Variants in CEP89 observed in about 807,000 individuals in gnomAD.
The protein encoded by CEP89 is centrosomal protein of 89 kDa.
A neutral mutation model predicts 97.6 loss-of-function variants in CEP89; 95 were observed. The ratio of observed to expected loss-of-function variants is 0.97; its 90% CI spans 0.82 to 1.15. CEP89 has a LOEUF of 1.15. CEP89 is among the 50% of genes most tolerant of loss of function. CEP89 has a pLI of 0.00. For synonymous variants in CEP89, 354 were observed against 349.1 expected (o/e 1.01, Z -0.16); for missense variants, 869 against 947.7 (o/e 0.92, Z 1.09).
At chr19:32,899,354 G>A (rs1391824820) in intron 16 of CEP89, among the ~76,000 whole-genome samples, 1 of 151,950 alleles carries the variant, frequency 6.6e-6, no homozygotes, top group Non-Finnish European at 1.5e-5. Flanking sequence ...GACTGGTCTT[G>A]AATTCCTGGG....
Position 32,953,747 on chromosome 19 carries a change from T to C in CEP89, c.360A>G (p.Thr120=). The change falls in exon 4 of 19, where the codon ACA becomes ACG. Residue 120 remains threonine (T), a synonymous_variant. Transcript: ENST00000305768. The part of the protein sequence containing the change: ...GRRSSLPSFE[T]LDYGDEEDIE... ...TGTCCTCTTCGTCCCCATAGTCCAG[T>C]GTTTCAAAGGATGGCAAAGAAGATC... 1 of 1,614,090 alleles carries C rather than the reference T, an allele frequency of 6.2e-7. No individual in the cohort carries two copies. Among genetic ancestry groups the C allele is most frequent in the Non-Finnish European group, 8.5e-7 (1 of 1,179,992 alleles).
At position 32,946,297 on chromosome 19, in the gene CEP89, T is replaced by C. The variant is rs190250310; in HGVS notation, c.595+1969A>G. Among the ~76,000 whole-genome samples, 419 of 152,190 alleles carry C rather than the reference T, an allele frequency of 2.8e-3. 2 individuals are homozygous for C. Among genetic ancestry groups the C allele is most frequent in the Non-Finnish European group, 4.9e-3 (335 of 68,002 alleles). On this transcript the variant is annotated intron_variant, in intron 5 of 18. Coordinates refer to ENST00000305768, the MANE Select transcript of CEP89 (RefSeq NM_032816.5). ...ACCTGTTATTATTAATCATTCTTTA[T>C]AGTAAATTTTCCCTCTTCAAGTCAT...
At chr19:32,910,587 CT>C (rs558101362) in intron 14 of CEP89, among the ~76,000 whole-genome samples, 1 of 152,036 alleles carries the variant, frequency 6.6e-6, no homozygotes, top group African/African-American at 2.4e-5. Context: ...AACTTTTTGA[CT>C]TTTTTATAAC....
At chr19:32,879,774 G>A (rs971232148) in intron 18 of CEP89, among the ~76,000 whole-genome samples, 1 of 152,216 alleles carries the variant, frequency 6.6e-6, no homozygotes, top group African/African-American at 2.4e-5. Context: ...CCAGCCAGAC[G>A]CTCTAGCACG....
At chr19:32,902,010 C>CTCTCTGTGTG (rs1207481256) in intron 14 of CEP89, among the ~76,000 whole-genome samples, 3,145 of 133,752 alleles carry the variant, frequency 0.024, 51 homozygotes, top group African/African-American at 0.035. Flanking sequence ...CTCTCTCTCT[C>CTCTCTGTGTG]TGTGTGTGTG....
At chr19:32,904,596 C>CTT (rs550676154) in intron 14 of CEP89, among the ~76,000 whole-genome samples, 33,771 of 140,440 alleles carry the variant, frequency 0.24, 4,370 homozygotes, top group Admixed American at 0.33. Flanking sequence ...TTCTTTCTTC[C>CTT]TTTTTTTTTT....
intron 14 of CEP89, among the ~76,000 whole-genome samples, chr19:32,913,298 TATATATA>T (rs1568556595): frequency 0.013 from 420 of 33,102 alleles, 2 homozygotes; most frequent in African/African-American, 0.062. Flanking sequence ...CATATATATA[TATATATA>T]TTTTTTTGTT....
chr19:32,897,980 C>T (rs1039120660), intron 16 of CEP89, among the ~76,000 whole-genome samples: 1 of 152,072 alleles, frequency 6.6e-6, no homozygotes, highest in Non-Finnish European at 1.5e-5. Context: ...GGAGGTTCCT[C>T]AACAAACTAA....
chr19:32,926,334 T>A (rs914781692), intron 10 of CEP89, 61 bp from the exon 11 acceptor site: 2 of 1,188,302 alleles, frequency 1.7e-6, no homozygotes, highest in Non-Finnish European at 1.2e-6. Context: ...AACCAGAAAA[T>A]TTTTAAATGG....
intron 2 of CEP89, among the ~76,000 whole-genome samples, chr19:32,964,823 C>T (rs1003462832): frequency 6.6e-5 from 10 of 152,014 alleles, no homozygotes; most frequent in Admixed American, 5.2e-4. Flanking sequence ...GCATGAGGAC[C>T]CTTGTCAGAA....
chr19:32,912,426 A>G (rs1970020757), intron 14 of CEP89, among the ~76,000 whole-genome samples: 1 of 152,086 alleles, frequency 6.6e-6, no homozygotes, highest in Non-Finnish European at 1.5e-5. Flanking sequence ...CTTAAGATCA[A>G]AAACAGGTTT....
intron 16 of CEP89, among the ~76,000 whole-genome samples, chr19:32,891,153 G>A (rs1333519228): frequency 6.6e-6 from 1 of 152,214 alleles, no homozygotes; most frequent in Non-Finnish European, 1.5e-5. Context: ...TGGGGCCCCT[G>A]TCACTAACAG....
At chr19:32,949,331 G>A (rs1053641128) in intron 4 of CEP89, among the ~76,000 whole-genome samples, 3 of 152,184 alleles carry the variant, frequency 2.0e-5, no homozygotes, top group Non-Finnish European at 4.4e-5. Context: ...GCAGGAGCCT[G>A]GGGGTAGGGA....
chr19:32,948,228 T>C, intron 5 of CEP89, 38 bp downstream of exon 5: 3 of 1,189,316 alleles, frequency 2.5e-6, no homozygotes, highest in Middle Eastern at 5.6e-4. Context: ...GAAAAAATGT[T>C]CTTATATTTT....
intron 16 of CEP89, among the ~76,000 whole-genome samples, chr19:32,889,093 C>T (rs1969460953): frequency 6.6e-6 from 1 of 152,210 alleles, no homozygotes; most frequent in African/African-American, 2.4e-5. Flanking sequence ...CTCTCACGAG[C>T]TCCTGGAGAC....
chr19:32,879,518 G>T (rs531339997), intron 18 of CEP89, 140 bp from the exon 19 acceptor site: 4 of 683,168 alleles, frequency 5.9e-6, no homozygotes, highest in Non-Finnish European at 9.9e-6. Context: ...TGAAGCAAGC[G>T]CTCAGTGTGG....
At chr19:32,955,278 A>G (rs1971023253) in intron 3 of CEP89, among the ~76,000 whole-genome samples, 1 of 152,148 alleles carries the variant, frequency 6.6e-6, no homozygotes, top group Non-Finnish European at 1.5e-5. Flanking sequence ...TTGGGATTAC[A>G]GGTATGATCC....
intron 17 of CEP89, among the ~76,000 whole-genome samples, chr19:32,883,161 C>A (rs986100247): frequency 6.6e-6 from 1 of 152,008 alleles, no homozygotes; most frequent in South Asian, 2.1e-4. Context: ...CGCGCCCGGC[C>A]GAGCATTTCT....
At chr19:32,949,439 G>A (rs1387485289) in intron 4 of CEP89, among the ~76,000 whole-genome samples, 4 of 151,946 alleles carry the variant, frequency 2.6e-5, no homozygotes, top group Non-Finnish European at 4.4e-5. Flanking sequence ...TGGCTGGAGT[G>A]CAGTGGCGCA....
Sources: allele counts gnomAD v4.1 joint callset (sites outside exome capture counted in the v4.1 genomes callset), GRCh38; gene constraint gnomAD v4.1.1; transcripts MANE v1.5; gene names NCBI Gene and HGNC (gene_info 2026-07-23, HGNC 2026-07-21).